NFIB: variants seen among roughly 807,000 people sequenced by gnomAD.
The protein encoded by NFIB is nuclear factor I B, also known as nuclear factor 1 B-type.
NFIB carries 11 observed loss-of-function variants against 61.5 expected under a neutral mutation model. The observed-to-expected ratio is 0.18, with a 90% CI of 0.11 to 0.30. The LOEUF (loss-of-function observed/expected upper bound fraction) is 0.30. Ranked by LOEUF, NFIB falls within the 10% of genes least tolerant of loss-of-function variation. The pLI, the probability that NFIB is intolerant of heterozygous loss-of-function variation, is 1.00. For synonymous variants in NFIB, 260 were observed against 216.5 expected (o/e 1.20, Z -1.76); for missense variants, 471 against 608.9 (o/e 0.77, Z 2.38).
chr9:14,451,771 G>A, the NFIB span, among the ~76,000 whole-genome samples: 15 of 152,124 alleles, frequency 9.9e-5, no homozygotes, highest in Non-Finnish European at 2.1e-4. Flanking sequence ...CTGTTGAAAG[G>A]CAGCTTGAGT....
At chr9:14,450,136 C>T in the NFIB span, among the ~76,000 whole-genome samples, 1 of 152,036 alleles carries the variant, frequency 6.6e-6, no homozygotes, top group African/African-American at 2.4e-5. Context: ...TACACTCCGA[C>T]AGGCCCCGGT....
the NFIB span, among the ~76,000 whole-genome samples, chr9:14,511,733 T>C: frequency 6.6e-6 from 1 of 152,242 alleles, no homozygotes; most frequent in African/African-American, 2.4e-5. Context: ...ATTCTGAAAT[T>C]TGTATTCCAC....
chr9:14,262,542 G>A (rs978524880), intron 2 of NFIB, among the ~76,000 whole-genome samples: 21 of 152,190 alleles, frequency 1.4e-4, no homozygotes, highest in African/African-American at 4.8e-4. Flanking sequence ...GGAAGAAGGA[G>A]CGCAATGGGA....
Position 14,306,934 on chromosome 9 carries a change from C to T in NFIB, c.562+55G>A, listed in dbSNP as rs529826374. 2.0e-5 allele frequency: 31 copies of T among 1,588,860 alleles called. 1 individual carries two copies. In the African/African-American group the frequency reaches 2.9e-4, roughly 15 times the overall value. ...TAACTCAAGCCAGATACTCTGTCTA[C>T]GGAGATTTGTAGGCGGTGTTTGCCG... On this transcript the variant is annotated intron_variant, in intron 2 of 10. Coordinates refer to ENST00000380953, the MANE Select transcript of NFIB (RefSeq NM_001190737.2).
At chr9:14,216,642 G>C (rs1033294645) in intron 2 of NFIB, among the ~76,000 whole-genome samples, 4 of 151,526 alleles carry the variant, frequency 2.6e-5, no homozygotes, top group African/African-American at 7.3e-5. Flanking sequence ...CCTCAGAAGA[G>C]AGATGCTGGA....
At chr9:14,434,575 C>T in the NFIB span, among the ~76,000 whole-genome samples, 1 of 152,276 alleles carries the variant, frequency 6.6e-6, no homozygotes, top group African/African-American at 2.4e-5. Context: ...CTTTCAAACT[C>T]ATTGATCCTT....
chr9:14,190,524 G>C (rs551168469), intron 2 of NFIB, among the ~76,000 whole-genome samples: 2 of 152,118 alleles, frequency 1.3e-5, no homozygotes, highest in Non-Finnish European at 2.9e-5. Context: ...GTGGTTCAAA[G>C]AACTTCTGTC....
intron 1 of NFIB, among the ~76,000 whole-genome samples, chr9:14,322,725 G>A (rs1489884361): frequency 2.6e-5 from 4 of 152,122 alleles, no homozygotes; most frequent in Non-Finnish European, 5.9e-5. Context: ...GGACCCGGGA[G>A]GCGGGAGCGG....
At chr9:14,473,991 G>C in the NFIB span, among the ~76,000 whole-genome samples, 1 of 152,238 alleles carries the variant, frequency 6.6e-6, no homozygotes, top group East Asian at 1.9e-4. Context: ...CGCTGGACAT[G>C]GTGTGAGGAC....
chr9:14,411,924 G>T, the NFIB span, among the ~76,000 whole-genome samples: 1 of 152,162 alleles, frequency 6.6e-6, no homozygotes, highest in East Asian at 1.9e-4. Context: ...GGCGTGTTGT[G>T]AGCAGCCCAA....
chr9:14,102,305 T>A (rs2035899054), intron 10 of NFIB: 13 of 827,814 alleles, frequency 1.6e-5, no homozygotes, highest in Non-Finnish European at 2.4e-5. Flanking sequence ...AAGAATGGCA[T>A]AGCCAAAACA....
intron 5 of NFIB, 136 bp downstream of exon 5, chr9:14,150,009 G>C (rs1563836726): frequency 1.6e-6 from 2 of 1,235,854 alleles, no homozygotes; most frequent in East Asian, 2.4e-5. Context: ...AACCAGGAAA[G>C]ATTAAAAATC....
rs368147876 is a variant in NFIB at position 14,150,135 on chromosome 9, C to T, written c.806+10G>A. ...TCACTTGAGAATATGAGCAGCCCTTCTTTCAGTACCTGCTTGGTGGAGAAG... is the reference window on the plus strand; with the variant it reads ...TCACTTGAGAATATGAGCAGCCCTTTTTTCAGTACCTGCTTGGTGGAGAAG... On this transcript the variant is annotated intron_variant, in intron 5 of 10. Transcript: ENST00000380953. 3.7e-6 allele frequency: 6 copies of T among 1,613,028 alleles called. No homozygotes were observed. The highest frequency in any genetic ancestry group is 4.2e-6 in the Non-Finnish European group (5 of 1,179,362).
intron 2 of NFIB, among the ~76,000 whole-genome samples, chr9:14,190,854 G>A (rs1354095449): frequency 6.6e-6 from 1 of 152,084 alleles, no homozygotes; most frequent in African/African-American, 2.4e-5. Flanking sequence ...CATTTTATGG[G>A]GCAATATTCT....
intron 3 of NFIB, among the ~76,000 whole-genome samples, chr9:14,169,718 T>C (rs1039130411): frequency 2.0e-5 from 3 of 152,208 alleles, no homozygotes; most frequent in Non-Finnish European, 2.9e-5. Flanking sequence ...CTCAGGAGGC[T>C]GAGGCAGGAG....
In NFIB at chr9:14,322,382, A is replaced by C. The variant is rs1414988087; in HGVS notation, c.109-14862T>G. On this transcript the variant is annotated intron_variant, in intron 1 of 8. Coordinates refer to the NFIB transcript ENST00000380934. Reference sequence around the variant, plus strand: ...ATTGTTGTTTTAGCGGGGCTGCTCCAGGAGTGGGGCTGCGCCGGTCAGATG... The same window carrying C: ...ATTGTTGTTTTAGCGGGGCTGCTCCCGGAGTGGGGCTGCGCCGGTCAGATG... The C allele has an allele frequency of 2.1e-5, 5 of 237,712 alleles. No individual in the cohort carries two copies. In the East Asian group the frequency reaches 3.0e-4, roughly 14 times the overall value. 14.7% of individuals were successfully genotyped at this position (237,712 alleles called of 1,614,324 possible). A position where few individuals can be genotyped will look rare whatever the true frequency, so the allele number is the denominator to read the frequency against.
rs1198496981 is a variant in NFIB at position 14,113,068 on chromosome 9, T to G, written c.1398A>C (p.Ser466=). The change falls in exon 10 of 11, where the codon TCA becomes TCC. Residue 466 remains serine (S), a synonymous_variant. Coordinates refer to ENST00000380953, the MANE Select transcript of NFIB (RefSeq NM_001190737.2). ...CATATCGATTGGCTTGAGATGTGCC[T>G]GAGGCTGTGTAGGCTGATTAAGGAA... The part of the protein sequence containing the change: ...ITTSTEAYTA[S]GTSQANRYVG... The G allele has an allele frequency of 9.7e-6, 15 of 1,549,892 alleles. No individual in the cohort carries two copies. In the Admixed American group the frequency reaches 2.9e-4, roughly 30 times the overall value.
chr9:14,180,451 G>A (rs2046638537), intron 2 of NFIB, among the ~76,000 whole-genome samples: 1 of 152,190 alleles, frequency 6.6e-6, no homozygotes, highest in African/African-American at 2.4e-5. Flanking sequence ...TGCAGGTAAG[G>A]AGGAAGAGAT....
intron 1 of NFIB, among the ~76,000 whole-genome samples, chr9:14,379,885 G>A (rs1457121550): frequency 6.6e-6 from 1 of 151,934 alleles, no homozygotes; most frequent in African/African-American, 2.4e-5. Flanking sequence ...GTTTCACCAT[G>A]TTGGCCAGGC....
Sources: gnomAD v4.1 joint callset for allele counts (sites outside exome capture counted in the v4.1 genomes callset) on GRCh38, gnomAD v4.1.1 for gene constraint, MANE v1.5 for transcripts, NCBI Gene and HGNC (gene_info 2026-07-23, HGNC 2026-07-21) for gene names.